Variants in CNN3 observed in about 807,000 individuals in gnomAD.
CNN3 encodes calponin 3.
CNN3 carries 11 observed loss-of-function variants against 39.0 expected under a neutral mutation model. The ratio of observed to expected loss-of-function variants is 0.28; its 90% CI spans 0.18 to 0.47. The LOEUF (loss-of-function observed/expected upper bound fraction) is 0.47. CNN3 is among the 20% of genes least tolerant of loss of function. The pLI, the probability that CNN3 is intolerant of heterozygous loss-of-function variation, is 0.99. For missense variants in CNN3, 266 were observed against 403.4 expected (o/e 0.66, Z 2.92); for synonymous variants, 101 against 138.3 (o/e 0.73, Z 1.89).
intron 1 of CNN3, among the ~76,000 whole-genome samples, chr1:94,918,321 C>T (rs900631009): frequency 6.6e-6 from 1 of 151,764 alleles, no homozygotes; most frequent in Middle Eastern, 3.4e-3. Context: ...AGTGAAACCC[C>T]GACTGTACTA....
At position 94,900,932 on chromosome 1, in the gene CNN3, A is replaced by G. The variant is rs528440384; in HGVS notation, c.501+737T>C. On this transcript the variant is annotated intron_variant, in intron 5 of 6. Transcript: ENST00000370206. The stretch of plus-strand genomic sequence containing the variant: ...TAACATTAAGGAATTTATAAAGTAC[A>G]TTTCTGGCTGGGTGTGGTAGCTCAT... Among the ~76,000 whole-genome samples the G allele has an allele frequency of 1.8e-4, 27 of 152,294 alleles. No homozygotes were observed. The East Asian group carries it at 5.2e-3, about 29-fold the overall frequency.
rs747438073 is a variant in CNN3 at position 94,897,733 on chromosome 1, T to C, written c.*9A>G. 6.2e-7 allele frequency: 1 copy of C among 1,610,052 alleles called. No homozygotes were observed. Among genetic ancestry groups the C allele is most frequent in the East Asian group, 2.2e-5 (1 of 44,826 alleles). The stretch of plus-strand genomic sequence containing the variant: ...AAAGGACTAAATACTGAGCTCCTTC[T>C]GTGTGGATCTAATAATCAATGCCTT... On this transcript the variant is annotated 3_prime_UTR_variant, in exon 7 of 7. Coordinates refer to ENST00000370206, the MANE Select transcript of CNN3 (RefSeq NM_001839.5).
chr1:94,919,601 A>G (rs904720190), intron 1 of CNN3, among the ~76,000 whole-genome samples: 2 of 152,238 alleles, frequency 1.3e-5, no homozygotes, highest in Non-Finnish European at 2.9e-5. Flanking sequence ...TAATGGAGAA[A>G]GATCAGTGTC....
chr1:94,926,579 C>T lies in CNN3; in HGVS notation c.57+259G>A, dbSNP rs1489586790. On this transcript the variant is annotated intron_variant, in intron 1 of 6. Coordinates refer to ENST00000370206, the MANE Select transcript of CNN3 (RefSeq NM_001839.5). The surrounding 1 kb of genome is among the most constrained non-coding windows in gnomAD (Gnocchi z 4.2). ...CGGAAAGGCTGGCGCCGCGGGACTC[C>T]AGGCGCCCGGGAACCCACCGCCAGC... is the stretch of plus-strand genomic sequence containing the variant. Among the ~76,000 whole-genome samples, 1 of 152,016 alleles carries T rather than the reference C, an allele frequency of 6.6e-6. No individual in the cohort carries two copies. Among genetic ancestry groups the T allele is most frequent in the East Asian group, 1.9e-4 (1 of 5,148 alleles).
chr1:94,914,933 G>A (rs1216734018), intron 1 of CNN3, among the ~76,000 whole-genome samples: 1 of 151,834 alleles, frequency 6.6e-6, no homozygotes, highest in Non-Finnish European at 1.5e-5. Context: ...ACCCAGGCTG[G>A]AGTGCAGTGG....
rs1671579501 is a variant in CNN3 at position 94,926,362 on chromosome 1, C to CTCTCCCCGTGGGGAGGCGCGGAGTCCGCG, written c.57+475_57+476insCGCGGACTCCGCGCCTCCCCACGGGGAGA. On this transcript the variant is annotated intron_variant, in intron 1 of 6. Coordinates refer to ENST00000370206, the MANE Select transcript of CNN3 (RefSeq NM_001839.5). This position sits in a 1 kb window ranked among gnomAD's most constrained non-coding sequence, Gnocchi z 4.2. Reference sequence around the variant, plus strand: ...GGGTCGGCGGGACATTAGGCGGTCTCTCTCCCCGTGGGGAGGCGCGGAGTC... The same window carrying CTCTCCCCGTGGGGAGGCGCGGAGTCCGCG: ...GGGTCGGCGGGACATTAGGCGGTCTCTCTCCCCGTGGGGAGGCGCGGAGTCCGCGTCTCCCCGTGGGGAGGCGCGGAGTC... 1.3e-5 allele frequency among the ~76,000 whole-genome samples: 2 copies of CTCTCCCCGTGGGGAGGCGCGGAGTCCGCG among 152,170 alleles called. No homozygotes were observed. The highest frequency in any genetic ancestry group is 4.8e-5 in the African/African-American group (2 of 41,456).
intron 5 of CNN3, among the ~76,000 whole-genome samples, chr1:94,900,628 A>C (rs1455301644): frequency 6.6e-6 from 1 of 152,110 alleles, no homozygotes; most frequent in East Asian, 1.9e-4. Context: ...TACTGTGTAA[A>C]AATAAATCTA....
chr1:94,897,536 T>C lies in CNN3; in HGVS notation c.*206A>G, dbSNP rs1456823194. 3 of 544,202 alleles carry C rather than the reference T, an allele frequency of 5.5e-6. No homozygotes were observed. Among genetic ancestry groups the C allele is most frequent in the Non-Finnish European group, 9.8e-6 (3 of 306,874 alleles). 33.7% of individuals were successfully genotyped at this position (544,202 alleles called of 1,614,324 possible). On this transcript the variant is annotated 3_prime_UTR_variant, in exon 7 of 7. Coordinates refer to ENST00000370206, the MANE Select transcript of CNN3 (RefSeq NM_001839.5). ...CATATGCGAGTTATTGATTATGCTGTAGGATTTAACTATTACAGCACTAAA... is the reference window on the plus strand; with the variant it reads ...CATATGCGAGTTATTGATTATGCTGCAGGATTTAACTATTACAGCACTAAA...
chr1:94,926,793 C>T lies in CNN3; in HGVS notation c.57+45G>A. 1 of 1,591,854 alleles carries T rather than the reference C, an allele frequency of 6.3e-7. No homozygotes were observed. Among genetic ancestry groups the T allele is most frequent in the Non-Finnish European group, 8.6e-7 (1 of 1,167,454 alleles). On this transcript the variant is annotated intron_variant, in intron 1 of 6. Transcript: ENST00000370206. This position sits in a 1 kb window ranked among gnomAD's most constrained non-coding sequence, Gnocchi z 4.2. ...AGCACGGCCCAGCGCCAGGCCAGCC[C>T]AAGGGTGCCCCGGGGGCCCCCGCGC...
intron 5 of CNN3, among the ~76,000 whole-genome samples, chr1:94,900,120 C>T (rs973449714): frequency 5.3e-5 from 8 of 152,106 alleles, no homozygotes; most frequent in Non-Finnish European, 1.2e-4. Context: ...TTTTCTTCCC[C>T]ACTGAGAACA....
chr1:94,898,077 T>A lies in CNN3; in HGVS notation c.655A>T (p.Met219Leu). ...TCTCTTCTGGTACCTGGTGCTAACA[T>A]CCCTGCCTGGTATTAGAACATAGTA... ...GTNKGASQAGMLAPGTRRDIY... is the reference protein window; with the variant it reads ...GTNKGASQAGLLAPGTRRDIY... Residue 219 changes from methionine (M) to leucine (L), a missense_variant, in exon 7 of 7, where the codon ATG becomes TTG. Physicochemically the swap from Met to Leu is conservative, Grantham distance 15. Coordinates refer to ENST00000370206, the MANE Select transcript of CNN3 (RefSeq NM_001839.5). 1.2e-6 allele frequency: 2 copies of A among 1,613,464 alleles called. No individual in the cohort carries two copies. Among genetic ancestry groups the A allele is most frequent in the Non-Finnish European group, 8.5e-7 (1 of 1,179,612 alleles).
Position 94,899,526 on chromosome 1 carries a change from TTAAAAA to T in CNN3, c.502-15_502-10del. ...CATTTGTTGGTTCCCATCTTTTAAG[TTAAAAA>T]TAAAATTGCACAAATTATCAGATGT... On this transcript the variant is annotated splice_polypyrimidine_tract_variant and intron_variant, in intron 5 of 6. Coordinates refer to ENST00000370206, the MANE Select transcript of CNN3 (RefSeq NM_001839.5). 2 of 1,608,830 alleles carry T rather than the reference TTAAAAA, an allele frequency of 1.2e-6. No individual in the cohort carries two copies. Among genetic ancestry groups the T allele is most frequent in the Non-Finnish European group, 8.5e-7 (1 of 1,178,572 alleles).
At chr1:94,902,285 T>C in intron 3 of CNN3, 27 bp from the exon 4 acceptor site, 1 of 1,585,752 alleles carries the variant, frequency 6.3e-7, no homozygotes, top group South Asian at 1.1e-5. Flanking sequence ...TTTTATAATT[T>C]CTGGAGCTAA....
intron 5 of CNN3, among the ~76,000 whole-genome samples, chr1:94,900,733 C>T (rs1016699963): frequency 2.0e-5 from 3 of 152,126 alleles, no homozygotes; most frequent in Non-Finnish European, 2.9e-5. Flanking sequence ...TTAGCAATGA[C>T]GTTTCCATGA....
At chr1:94,907,006 G>A (rs1671017963) in intron 1 of CNN3, among the ~76,000 whole-genome samples, 1 of 152,204 alleles carries the variant, frequency 6.6e-6, no homozygotes, top group Admixed American at 6.5e-5. Context: ...TCAAGGAAGT[G>A]ATGAGATAGA....
In CNN3 at chr1:94,901,810, T is replaced by C. The variant is rs2101718566; in HGVS notation, c.385-25A>G. ...CCTAGACAGAAACATGCACACTAAC[T>C]GAAAAGGCCAACAGAGTTTCACAGA... On this transcript the variant is annotated intron_variant, in intron 4 of 6. Transcript: ENST00000370206. The C allele has an allele frequency of 2.0e-6, 3 of 1,509,148 alleles. No homozygotes were observed. In the East Asian group the frequency reaches 6.8e-5, roughly 34 times the overall value. The allele number at this position is 1,509,148 out of a possible 1,614,324, so 93.5% of individuals were successfully genotyped here.
intron 5 of CNN3, among the ~76,000 whole-genome samples, chr1:94,899,734 T>C (rs751972436): frequency 3.3e-5 from 5 of 152,136 alleles, no homozygotes; most frequent in Non-Finnish European, 7.4e-5. Flanking sequence ...AACTCATACA[T>C]AGAAGAATTA....
Position 94,903,535 on chromosome 1 carries a change from G to A in CNN3, c.58-11C>T. On this transcript the variant is annotated splice_polypyrimidine_tract_variant and intron_variant, in intron 1 of 6. Transcript: ENST00000370206. ...ATACTTGGAAGCAATCTGAAATACA[G>A]GTTAACTCACTTTAGAAGAATTTCA... is the stretch of plus-strand genomic sequence containing the variant. 1 of 1,613,718 alleles carries A rather than the reference G, an allele frequency of 6.2e-7. No homozygotes were observed. The highest frequency in any genetic ancestry group is 1.1e-5 in the South Asian group (1 of 91,008).
chr1:94,919,676 C>T (rs1277965226), intron 1 of CNN3, among the ~76,000 whole-genome samples: 1 of 152,152 alleles, frequency 6.6e-6, no homozygotes, highest in Non-Finnish European at 1.5e-5. Flanking sequence ...GTGGCCACTC[C>T]ACAGCTAGAG....
Sources: allele counts gnomAD v4.1 joint callset (sites outside exome capture counted in the v4.1 genomes callset), GRCh38; gene constraint gnomAD v4.1.1; non-coding constraint Gnocchi (gnomAD v3.1); transcripts MANE v1.5; gene names NCBI Gene and HGNC (gene_info 2026-07-23, HGNC 2026-07-21).